The following METTL15 variants were observed in gnomAD, a reference collection of about 807,000 sequenced individuals.
The protein encoded by METTL15 is 12S rRNA N(4)-cytidine methyltransferase METTL15.
A neutral mutation model predicts 38.3 loss-of-function variants in METTL15; 34 were observed. That is an observed-to-expected ratio of 0.89 (90% CI 0.68 to 1.18). The LOEUF (loss-of-function observed/expected upper bound fraction) is 1.18, where lower values mean the gene tolerates loss of function less well. METTL15 is among the 50% of genes most tolerant of loss of function. The probability of loss-of-function intolerance (pLI) is 0.00; values close to 1 mark genes in which losing one functional copy is unlikely to be tolerated. For missense variants in METTL15, 438 were observed against 498.4 expected (o/e 0.88, Z 1.15); for synonymous variants, 162 against 170.9 (o/e 0.95, Z 0.41).
chr11:28,257,133 A>G (rs866499070), intron 4 of METTL15, among the ~76,000 whole-genome samples: 3 of 152,224 alleles, frequency 2.0e-5, no homozygotes, highest in Admixed American at 1.3e-4. Flanking sequence ...CTTTTCATGT[A>G]TGAAGGATAT....
At chr11:28,285,136 A>G (rs1169036344) in intron 4 of METTL15, among the ~76,000 whole-genome samples, 1 of 152,100 alleles carries the variant, frequency 6.6e-6, no homozygotes, top group Non-Finnish European at 1.5e-5. Context: ...GCCTTCCACC[A>G]TGATTATAAA....
At chr11:28,237,883 G>T (rs1854080811) in intron 4 of METTL15, among the ~76,000 whole-genome samples, 1 of 152,190 alleles carries the variant, frequency 6.6e-6, no homozygotes, top group South Asian at 2.1e-4. Context: ...GACCCTGTTT[G>T]CCTGGGTATC....
At chr11:28,136,376 G>A (rs911173223) in intron 3 of METTL15, among the ~76,000 whole-genome samples, 1 of 152,124 alleles carries the variant, frequency 6.6e-6, no homozygotes, top group East Asian at 1.9e-4. Flanking sequence ...CTTGCTTGCT[G>A]CCATGTAAGA....
intron 4 of METTL15, among the ~76,000 whole-genome samples, chr11:28,237,575 A>G (rs1008827192): frequency 7.9e-5 from 12 of 152,086 alleles, no homozygotes; most frequent in Non-Finnish European, 1.2e-4. Context: ...GAATAGTTTG[A>G]TCGTCTGAAG....
intron 3 of METTL15, among the ~76,000 whole-genome samples, chr11:28,175,099 AC>A (rs1554990786): frequency 2.8e-5 from 4 of 141,806 alleles, no homozygotes; most frequent in Non-Finnish European, 6.1e-5. Context: ...CCTCCCCCCT[AC>A]CCCCACCCCA....
At chr11:28,131,089 T>A (rs1333342274) in intron 3 of METTL15, among the ~76,000 whole-genome samples, 1 of 152,076 alleles carries the variant, frequency 6.6e-6, no homozygotes, top group East Asian at 1.9e-4. Flanking sequence ...TTTTTTTAAA[T>A]TACAGTCTAA....
chr11:28,442,107 T>G (rs1007616935), intron 6 of METTL15, among the ~76,000 whole-genome samples: 2 of 152,178 alleles, frequency 1.3e-5, no homozygotes, highest in East Asian at 3.8e-4. Context: ...CTTGTTATAA[T>G]GGGTTTGAGA....
rs372728486 is a variant in METTL15, at chr11:28,114,869, T to C, written c.270+1265T>C. Among the ~76,000 whole-genome samples the C allele has an allele frequency of 3.3e-5, 5 of 152,336 alleles. No individual in the cohort carries two copies. In the East Asian group the frequency reaches 9.6e-4, roughly 29 times the overall value. ...TGACAAACTGTTTCTCAGAGTTGATTGGTTTTGTCAAATTACAGTCTTAAA... is the reference window on the plus strand; with the variant it reads ...TGACAAACTGTTTCTCAGAGTTGATCGGTTTTGTCAAATTACAGTCTTAAA... On this transcript the variant is annotated intron_variant, in intron 3 of 6. Coordinates refer to ENST00000407364, the MANE Select transcript of METTL15 (RefSeq NM_001113528.2).
At chr11:28,476,574 T>C (rs1851348313) in intron 6 of METTL15, among the ~76,000 whole-genome samples, 1 of 152,204 alleles carries the variant, frequency 6.6e-6, no homozygotes, top group Non-Finnish European at 1.5e-5. Flanking sequence ...TTTTATTCCT[T>C]CCTACTGTTC....
At chr11:28,262,416 A>G (rs1436834926) in intron 4 of METTL15, among the ~76,000 whole-genome samples, 3 of 151,360 alleles carry the variant, frequency 2.0e-5, no homozygotes, top group African/African-American at 7.3e-5. Context: ...TATATGCTAT[A>G]TACACAGATA....
chr11:28,247,588 T>C (rs1192210193), intron 4 of METTL15, among the ~76,000 whole-genome samples: 1 of 152,148 alleles, frequency 6.6e-6, no homozygotes, highest in African/African-American at 2.4e-5. Flanking sequence ...TGAAGCTTTA[T>C]GTAAGTTCAA....
At chr11:28,258,029 G>A (rs576446899) in intron 4 of METTL15, among the ~76,000 whole-genome samples, 1 of 152,234 alleles carries the variant, frequency 6.6e-6, no homozygotes, top group South Asian at 2.1e-4. Context: ...TCTTTCTTGG[G>A]AAGGCTTTCC....
intron 5 of METTL15, among the ~76,000 whole-genome samples, chr11:28,376,918 A>T (rs996672916): frequency 7.5e-6 from 1 of 133,384 alleles, no homozygotes; most frequent in African/African-American, 2.6e-5. Flanking sequence ...TTCACTTATG[A>T]AGCTTAGTTT....
chr11:28,172,161 ATG>A, intron 3 of METTL15, among the ~76,000 whole-genome samples: 1 of 152,182 alleles, frequency 6.6e-6, no homozygotes, highest in South Asian at 2.1e-4. Context: ...ATTCAGGAAT[ATG>A]TGATTTTTTT....
At chr11:28,340,188 C>A (rs1849937763) in intron 3 of METTL15, among the ~76,000 whole-genome samples, 1 of 151,986 alleles carries the variant, frequency 6.6e-6, no homozygotes, top group Non-Finnish European at 1.5e-5. Flanking sequence ...ATGATTCCAA[C>A]ATTTTTGTAC....
At chr11:28,178,153 G>A (rs574161199) in intron 3 of METTL15, among the ~76,000 whole-genome samples, 61 of 152,006 alleles carry the variant, frequency 4.0e-4, no homozygotes, top group South Asian at 1.0e-3. Context: ...TTTACAGGCA[G>A]CGTGGTTGTC....
At chr11:28,381,731 G>A (rs1003479336) in intron 5 of METTL15, among the ~76,000 whole-genome samples, 5 of 151,964 alleles carry the variant, frequency 3.3e-5, no homozygotes, top group East Asian at 1.9e-4. Flanking sequence ...TAATCTCTTT[G>A]TTAAAATTTT....
At chr11:28,472,579 A>T (rs544849748) in intron 6 of METTL15, among the ~76,000 whole-genome samples, 1 of 152,170 alleles carries the variant, frequency 6.6e-6, no homozygotes, top group African/African-American at 2.4e-5. Flanking sequence ...ATAAAAGAAT[A>T]TGTGGATTGG....
chr11:28,372,512 T>C (rs1051823187), intron 5 of METTL15, among the ~76,000 whole-genome samples: 8 of 150,370 alleles, frequency 5.3e-5, no homozygotes, highest in Non-Finnish European at 1.2e-4. Flanking sequence ...CACATCAAGT[T>C]CTGGAAAAAA....
Sources: allele counts gnomAD v4.1 joint callset (sites outside exome capture counted in the v4.1 genomes callset), GRCh38; gene constraint gnomAD v4.1.1; transcripts MANE v1.5; gene names NCBI Gene and HGNC (gene_info 2026-07-23, HGNC 2026-07-21).